The following CPA6 variants were observed in gnomAD, a reference collection of about 807,000 sequenced individuals.
The protein encoded by CPA6 is carboxypeptidase A6, also known as carboxypeptidase B.
CPA6 carries 58 observed loss-of-function variants against 63.3 expected under a neutral mutation model. The observed-to-expected ratio is 0.92, with a 90% CI of 0.74 to 1.14. The LOEUF is 1.14. Ranked by LOEUF, CPA6 falls within the 50% of genes most tolerant of loss-of-function variation. CPA6 has a pLI of 0.00. For synonymous variants in CPA6, 185 were observed against 179.0 expected (o/e 1.03, Z -0.27); for missense variants, 565 against 526.6 (o/e 1.07, Z -0.71).
chr8:67,559,459 C>T (rs1046486888), intron 2 of CPA6, among the ~76,000 whole-genome samples: 8 of 152,214 alleles, frequency 5.3e-5, no homozygotes, highest in African/African-American at 1.9e-4. Flanking sequence ...CACACCCCTG[C>T]ACTATCCCAT....
chr8:67,592,283 G>A (rs185095437), intron 2 of CPA6, among the ~76,000 whole-genome samples: 2,377 of 152,246 alleles, frequency 0.016, 60 homozygotes, highest in African/African-American at 0.053. Flanking sequence ...GCTGGATTCC[G>A]TTTGCCAGTA....
rs1563382431 is a variant in CPA6 at position 67,662,551 on chromosome 8, CGTATATGTATATATAGAATACATACACAT to C, written c.117-38329_117-38301del. ...TATGTATATATAGAATACATACACA[CGTATATGTATATATAGAATACATACACAT>C]GTATATGTATATATAGAATACATAC... On this transcript the variant is annotated intron_variant, in intron 1 of 10. Coordinates refer to ENST00000297770, the MANE Select transcript of CPA6 (RefSeq NM_020361.5). Among the ~76,000 whole-genome samples, 128 of 119,270 alleles carry C rather than the reference CGTATATGTATATATAGAATACATACACAT, an allele frequency of 1.1e-3. 1 individual carries two copies. Among genetic ancestry groups the C allele is most frequent in the African/African-American group, 3.9e-3 (97 of 24,770 alleles). 78.2% of individuals were successfully genotyped at this position (119,270 alleles called of 152,430 possible).
Position 67,663,016 on chromosome 8 carries a change from T to A in CPA6, c.117-38765A>T, listed in dbSNP as rs186029883. ...ACAGGCAAGTGAGGCTGCGGGCCACTGTTGGTGACAGAGCCCATTTCCTGA... is the reference window on the plus strand; with the variant it reads ...ACAGGCAAGTGAGGCTGCGGGCCACAGTTGGTGACAGAGCCCATTTCCTGA... On this transcript the variant is annotated intron_variant, in intron 1 of 10. Transcript: ENST00000297770. 6.9e-3 allele frequency among the ~76,000 whole-genome samples: 1,050 copies of A among 152,320 alleles called. 7 individuals carry two copies. Among genetic ancestry groups the A allele is most frequent in the African/African-American group, 0.024 (990 of 41,566 alleles).
chr8:67,483,665 C>G, intron 8 of CPA6, 103 bp downstream of exon 8: 1 of 926,898 alleles, frequency 1.1e-6, no homozygotes, highest in Non-Finnish European at 1.8e-6. Flanking sequence ...TTTTCACATA[C>G]AGAAAAACAT....
At chr8:67,701,884 G>A (rs1444303446) in intron 1 of CPA6, among the ~76,000 whole-genome samples, 1 of 152,150 alleles carries the variant, frequency 6.6e-6, no homozygotes, top group Non-Finnish European at 1.5e-5. Flanking sequence ...AACTCTAACT[G>A]CAGTCGCTTA....
intron 1 of CPA6, among the ~76,000 whole-genome samples, chr8:67,689,119 A>G (rs1816765026): frequency 6.6e-6 from 1 of 151,998 alleles, no homozygotes; most frequent in Non-Finnish European, 1.5e-5. Flanking sequence ...TCTGTGTAGC[A>G]TTTCGTAATT....
chr8:67,564,398 C>T (rs570268558), intron 2 of CPA6, among the ~76,000 whole-genome samples: 11 of 150,924 alleles, frequency 7.3e-5, no homozygotes, highest in South Asian at 2.1e-4. Context: ...AGCTGAGCAG[C>T]GACGATTAAA....
At chr8:67,670,517 G>A (rs1429928235) in intron 1 of CPA6, among the ~76,000 whole-genome samples, 1 of 152,176 alleles carries the variant, frequency 6.6e-6, no homozygotes, top group African/African-American at 2.4e-5. Context: ...TACTCTTAAA[G>A]TGAAGGTTAT....
At chr8:67,733,352 G>T (rs1036475861) in intron 1 of CPA6, among the ~76,000 whole-genome samples, 1 of 152,046 alleles carries the variant, frequency 6.6e-6, no homozygotes, top group African/African-American at 2.4e-5. Flanking sequence ...GTGCCCAGGT[G>T]GTGCTGATGT....
chr8:67,496,646 C>T (rs771383139), intron 6 of CPA6, among the ~76,000 whole-genome samples: 7 of 149,798 alleles, frequency 4.7e-5, no homozygotes, highest in East Asian at 2.0e-4. Context: ...TTGCAACCTC[C>T]GCCTCCCCGG....
chr8:67,662,793 G>T (rs1365077902), intron 1 of CPA6, among the ~76,000 whole-genome samples: 1 of 152,142 alleles, frequency 6.6e-6, no homozygotes, highest in African/African-American at 2.4e-5. Flanking sequence ...ACAATGTGCT[G>T]CAGGAGCACC....
At chr8:67,568,976 C>A (rs1052688555) in intron 2 of CPA6, among the ~76,000 whole-genome samples, 3 of 152,148 alleles carry the variant, frequency 2.0e-5, no homozygotes, top group African/African-American at 7.2e-5. Flanking sequence ...GTCTCAAGCT[C>A]CTGACCTCAG....
intron 1 of CPA6, among the ~76,000 whole-genome samples, chr8:67,721,913 G>A (rs182542118): frequency 4.6e-5 from 7 of 152,312 alleles, no homozygotes; most frequent in African/African-American, 1.7e-4. Context: ...TAAATGGACT[G>A]TAACCTACTC....
rs1028698258 is a variant in CPA6 at position 67,746,262 on chromosome 8, T to C, written c.-133A>G. The C allele has an allele frequency of 3.8e-6, 2 of 524,734 alleles. No individual in the cohort carries two copies. The highest frequency in any genetic ancestry group is 3.3e-5 in the Admixed American group (1 of 30,726). 32.5% of individuals were successfully genotyped at this position (524,734 alleles called of 1,614,324 possible). A position where few individuals can be genotyped will look rare whatever the true frequency, so the allele number is the denominator to read the frequency against. ...CGAGGAAGGTTGAGAGTGAGCAAAA[T>C]GTGACACTTCTCTCCAGCTACAAGG... On this transcript the variant is annotated 5_prime_UTR_variant, in exon 1 of 11. Transcript: ENST00000297770.
At position 67,430,950 on chromosome 8, in the gene CPA6, C is replaced by T. The variant is rs551174707; in HGVS notation, c.1042-2819G>A. ...AACCTTAGCTTACTGTAACCTCTGC[C>T]TCCTGGACTCAAGCAATCCTCTCAC... is the stretch of plus-strand genomic sequence containing the variant. On this transcript the variant is annotated intron_variant, in intron 9 of 10. Coordinates refer to ENST00000297770, the MANE Select transcript of CPA6 (RefSeq NM_020361.5). 3.3e-5 allele frequency among the ~76,000 whole-genome samples: 5 copies of T among 152,180 alleles called. No homozygotes were observed. In the South Asian group the frequency reaches 1.0e-3, roughly 32 times the overall value.
intron 5 of CPA6, among the ~76,000 whole-genome samples, chr8:67,507,579 A>G (rs1266497539): frequency 6.6e-6 from 1 of 152,152 alleles, no homozygotes; most frequent in African/African-American, 2.4e-5. Flanking sequence ...TCACTTCACA[A>G]ATATTTCAGG....
chr8:67,583,382 T>A (rs1345281360), intron 2 of CPA6, among the ~76,000 whole-genome samples: 1 of 151,796 alleles, frequency 6.6e-6, no homozygotes, highest in African/African-American at 2.4e-5. Flanking sequence ...TAATGGAGGG[T>A]GAAATTTGGG....
At chr8:67,549,992 G>C (rs1041251379) in intron 2 of CPA6, among the ~76,000 whole-genome samples, 1 of 152,116 alleles carries the variant, frequency 6.6e-6, no homozygotes, top group Non-Finnish European at 1.5e-5. Flanking sequence ...AATTCTATTG[G>C]GTAAATACTC....
intron 6 of CPA6, among the ~76,000 whole-genome samples, chr8:67,498,093 C>T (rs1391954243): frequency 6.6e-6 from 1 of 152,174 alleles, no homozygotes; most frequent in Non-Finnish European, 1.5e-5. Context: ...TCTCTTTGCT[C>T]TTCTGTAGAT....
Sources: gnomAD v4.1 joint callset for allele counts (sites outside exome capture counted in the v4.1 genomes callset) on GRCh38, gnomAD v4.1.1 for gene constraint, MANE v1.5 for transcripts, NCBI Gene and HGNC (gene_info 2026-07-23, HGNC 2026-07-21) for gene names.